The following CCT8 variants were observed in gnomAD, a reference collection of about 807,000 sequenced individuals.
The protein encoded by CCT8 is chaperonin containing TCP1 subunit 8.
Under a neutral mutation model 65.7 loss-of-function variants are expected in CCT8, and 10 were observed. The observed-to-expected ratio is 0.15, with a 90% CI of 0.09 to 0.26. CCT8 has a LOEUF of 0.26. Ranked by LOEUF, CCT8 falls within the 10% of genes least tolerant of loss-of-function variation. The pLI is 1.00. For synonymous variants in CCT8, 199 were observed against 221.8 expected, an observed-to-expected ratio of 0.90 and a Z score of 0.92; for missense variants, 568 against 669.1, an observed-to-expected ratio of 0.85 and a Z score of 1.67.
At chr21:29,070,931 T>C (rs2085673381) in intron 1 of CCT8, among the ~76,000 whole-genome samples, 1 of 152,230 alleles carries the variant, frequency 6.6e-6, no homozygotes, top group Admixed American at 6.5e-5. Flanking sequence ...CACTGAAGTG[T>C]TTAGAGACTG....
In CCT8 at chr21:29,061,581, C is replaced by G; in HGVS notation, c.1213-14G>C. On this transcript the variant is annotated splice_polypyrimidine_tract_variant and intron_variant, in intron 11 of 14. Transcript: ENST00000286788. ...AAGACGTTTATCCTGTATGTAGCGCCCCCACCAAAAAAAAAATGAACACAA... is the reference window on the plus strand; with the variant it reads ...AAGACGTTTATCCTGTATGTAGCGCGCCCACCAAAAAAAAAATGAACACAA... 1 of 1,600,592 alleles carries G rather than the reference C, an allele frequency of 6.2e-7. No homozygotes were observed. The highest frequency in any genetic ancestry group is 8.5e-7 in the Non-Finnish European group (1 of 1,176,016).
chr21:29,066,681 C>T (rs767624697), intron 6 of CCT8, 35 bp downstream of exon 6: 1 of 1,380,674 alleles, frequency 7.2e-7, no homozygotes, highest in South Asian at 1.3e-5. Flanking sequence ...AAAAAACTGA[C>T]CTAGATATGT....
intron 4 of CCT8, among the ~76,000 whole-genome samples, 186 bp downstream of exon 4, chr21:29,067,366 CCTCA>C (rs962575342): frequency 6.6e-6 from 1 of 152,132 alleles, no homozygotes; most frequent in East Asian, 1.9e-4. Context: ...GATTATAAGG[CCTCA>C]CTAATAGGGT....
chr21:29,073,482 G>A (rs753337205), intron 1 of CCT8, 49 bp downstream of exon 1: 4 of 1,612,858 alleles, frequency 2.5e-6, no homozygotes, highest in Non-Finnish European at 3.4e-6. Flanking sequence ...CGCGGCCGCC[G>A]CAGCCCTATG....
chr21:29,069,166 AATTTC>A (rs1355599300), intron 3 of CCT8, among the ~76,000 whole-genome samples: 4 of 152,216 alleles, frequency 2.6e-5, no homozygotes, highest in African/African-American at 9.7e-5. Flanking sequence ...AATGGTAATC[AATTTC>A]ATATCGTAAT....
chr21:29,072,797 G>C (rs762411854), intron 1 of CCT8, among the ~76,000 whole-genome samples: 24 of 152,120 alleles, frequency 1.6e-4, no homozygotes, highest in Non-Finnish European at 2.9e-5. Context: ...CTATGCTACC[G>C]AACTAACGTT....
intron 14 of CCT8, among the ~76,000 whole-genome samples, chr21:29,057,806 G>A: frequency 6.7e-6 from 1 of 148,774 alleles, no homozygotes; most frequent in Non-Finnish European, 1.5e-5. Flanking sequence ...ATATACATAT[G>A]TATGATATAT....
chr21:29,062,806 G>T, intron 8 of CCT8: 2 of 504,688 alleles, frequency 4.0e-6, no homozygotes, highest in Non-Finnish European at 3.5e-6. Flanking sequence ...TTCTAGAATT[G>T]GGAGAATGGA....
chr21:29,067,508 A>C (rs777916902), intron 4 of CCT8, 48 bp downstream of exon 4: 1 of 1,402,240 alleles, frequency 7.1e-7, no homozygotes, highest in African/African-American at 1.5e-5. Flanking sequence ...AAGCAGGTGT[A>C]TATGTAAGCA....
intron 14 of CCT8, among the ~76,000 whole-genome samples, chr21:29,057,176 T>C (rs1239663216): frequency 6.6e-6 from 1 of 150,666 alleles, no homozygotes; most frequent in African/African-American, 2.4e-5. Flanking sequence ...CTTTTTTTTT[T>C]TTTTTCTTTT....
At chr21:29,064,697 C>CA (rs1424809182) in intron 7 of CCT8, among the ~76,000 whole-genome samples, 1 of 152,208 alleles carries the variant, frequency 6.6e-6, no homozygotes, top group Non-Finnish European at 1.5e-5. Flanking sequence ...AAAATACTCA[C>CA]ATTCTCATAT....
intron 2 of CCT8, 52 bp downstream of exon 2, chr21:29,070,195 A>G (rs372862304): frequency 1.8e-6 from 2 of 1,107,230 alleles, no homozygotes; most frequent in Admixed American, 2.1e-5. Context: ...AAGAAGACGT[A>G]GTACACAATA....
intron 1 of CCT8, chr21:29,072,161 T>G: frequency 8.7e-6 from 5 of 575,172 alleles, no homozygotes; most frequent in South Asian, 6.6e-5. Context: ...AGTTCTTCCC[T>G]AAACGTCTAA....
At chr21:29,060,119 T>C (rs947002378) in intron 14 of CCT8, 1 of 152,286 alleles carries the variant, frequency 6.6e-6, no homozygotes, top group Non-Finnish European at 1.5e-5. Context: ...AATATGATTT[T>C]AAACACCTTT....
rs781569085 is a variant in CCT8 at position 29,060,642 on chromosome 21, T to G, written c.1468A>C (p.Lys490Gln). Residue 490 changes from lysine to glutamine, a missense_variant, in exon 14 of 15, where the codon AAG (lysine) becomes CAG (glutamine). By Grantham distance (53) the Lys-to-Gln change is moderately conservative. Coordinates refer to ENST00000286788, the MANE Select transcript of CCT8 (RefSeq NM_006585.4). ...LDIEAEVPAV[K>Q]DMLEAGILDT... ...AGAATACCAGCTTCCAGCATGTCCT[T>G]TACAGCAGGGACTTCAGCCTGTCAA... 3.1e-6 allele frequency: 5 copies of G among 1,613,526 alleles called. No individual in the cohort carries two copies. In the South Asian group the frequency reaches 5.5e-5, roughly 18 times the overall value.
At chr21:29,067,244 T>G (rs1332233208) in intron 4 of CCT8, among the ~76,000 whole-genome samples, 173 bp from the exon 5 acceptor site, 1 of 152,204 alleles carries the variant, frequency 6.6e-6, no homozygotes, top group East Asian at 1.9e-4. Flanking sequence ...CAGCCCAAAT[T>G]TGAATCTTAA....
chr21:29,057,637 A>G (rs1191825303), intron 14 of CCT8, among the ~76,000 whole-genome samples: 2 of 126,100 alleles, frequency 1.6e-5, no homozygotes, highest in East Asian at 2.1e-4. Flanking sequence ...AAATATATAT[A>G]TAACATTTGA....
At chr21:29,064,897 T>C in intron 7 of CCT8, 71 bp downstream of exon 7, 1 of 1,372,968 alleles carries the variant, frequency 7.3e-7, no homozygotes, top group Non-Finnish European at 1.0e-6. Context: ...TACTTACTGG[T>C]TTAAGAGCTA....
At chr21:29,064,267 A>T (rs937983895) in intron 7 of CCT8, among the ~76,000 whole-genome samples, 1 of 150,882 alleles carries the variant, frequency 6.6e-6, no homozygotes, top group Non-Finnish European at 1.5e-5. Flanking sequence ...GGAGTTGGAG[A>T]CCAGTCTGGC....
Sources: gnomAD v4.1 joint callset for allele counts (sites outside exome capture counted in the v4.1 genomes callset) on GRCh38, gnomAD v4.1.1 for gene constraint, MANE v1.5 for transcripts, NCBI Gene and HGNC (gene_info 2026-07-23, HGNC 2026-07-21) for gene names.